Variants in ADCK1 observed in about 807,000 individuals in gnomAD.
ADCK1 encodes the protein aarF domain-containing protein kinase 1.
ADCK1 carries 41 observed loss-of-function variants against 52.3 expected under a neutral mutation model. The observed-to-expected ratio is 0.78, with a 90% CI of 0.61 to 1.02. ADCK1 has a LOEUF of 1.02. Ranked by LOEUF, ADCK1 falls within the 50% of genes least tolerant of loss-of-function variation. The pLI is 0.00. For missense variants in ADCK1, 658 were observed against 679.5 expected (o/e 0.97, Z 0.35); for synonymous variants, 250 against 274.6 (o/e 0.91, Z 0.89).
Position 77,859,177 on chromosome 14 carries a change from G to A in ADCK1, c.321G>A (p.Leu107=), listed in dbSNP as rs143170023. 1.5e-5 allele frequency: 25 copies of A among 1,614,026 alleles called. No individual in the cohort carries two copies. Among genetic ancestry groups the A allele is most frequent in the Non-Finnish European group, 2.0e-5 (24 of 1,180,008 alleles). The change falls in exon 4 of 11, where the codon TTG becomes TTA. Residue 107 remains leucine (L), a synonymous_variant. Coordinates refer to ENST00000238561, the MANE Select transcript of ADCK1 (RefSeq NM_020421.4). ...ACCTGGGGGCTCTGGACTACCTGTT[G>A]CCAGAGGAGTACACCAGCACGCTGA... ...GQHLGALDYL[L]PEEYTSTLKV...
chr14:77,927,224 C>T (rs949177273), intron 9 of ADCK1, among the ~76,000 whole-genome samples: 4 of 152,208 alleles, frequency 2.6e-5, no homozygotes, highest in African/African-American at 4.8e-5. Context: ...CCCCATCTCT[C>T]GGCTCCGCTT....
chr14:77,900,081 A>AAAAG lies in ADCK1; in HGVS notation c.741+826_741+827insGAAA, dbSNP rs1566716847. Among the ~76,000 whole-genome samples the AAAAG allele has an allele frequency of 3.7e-5, 4 of 109,272 alleles. 1 individual carries two copies. Among genetic ancestry groups the AAAAG allele is most frequent in the Admixed American group, 1.1e-4 (1 of 9,498 alleles). 71.7% of individuals were successfully genotyped at this position (109,272 alleles called of 152,430 possible). A position where few individuals can be genotyped will look rare whatever the true frequency, so the allele number is the denominator to read the frequency against. The stretch of plus-strand genomic sequence containing the variant: ...GTGAAACTCCGTCTCAAAAAAAAAA[A>AAAAG]AAAAGAAAATTCATCAGTAATACAG... On this transcript the variant is annotated intron_variant, in intron 6 of 10. Transcript: ENST00000238561.
At chr14:77,822,120 G>C (rs2081596200) in intron 2 of ADCK1, among the ~76,000 whole-genome samples, 1 of 152,186 alleles carries the variant, frequency 6.6e-6, no homozygotes, top group African/African-American at 2.4e-5. Context: ...CTTATAGGAA[G>C]AGACAGTTCA....
intron 9 of ADCK1, among the ~76,000 whole-genome samples, chr14:77,928,469 T>G (rs577674562): frequency 6.6e-6 from 1 of 152,080 alleles, no homozygotes; most frequent in South Asian, 2.1e-4. Context: ...TTTTGCATTT[T>G]TTTTTTTTTT....
chr14:77,851,195 A>G (rs1323767210), intron 3 of ADCK1, among the ~76,000 whole-genome samples: 1 of 149,642 alleles, frequency 6.7e-6, no homozygotes, highest in Non-Finnish European at 1.5e-5. Flanking sequence ...TTGGCTCACT[A>G]CAACTTCTGC....
At chr14:77,924,381 A>G in intron 7 of ADCK1, 76 bp from the exon 8 acceptor site, 1 of 1,570,916 alleles carries the variant, frequency 6.4e-7, no homozygotes, top group Admixed American at 1.7e-5. Flanking sequence ...AAGTGACCAC[A>G]TTGAGAGACC....
At chr14:77,862,727 G>A (rs1432067233) in intron 4 of ADCK1, among the ~76,000 whole-genome samples, 6 of 152,176 alleles carry the variant, frequency 3.9e-5, no homozygotes, top group African/African-American at 7.2e-5. Context: ...TGGTCTACGC[G>A]GTTGGCATTT....
At chr14:77,892,351 G>A (rs1236631038) in intron 5 of ADCK1, among the ~76,000 whole-genome samples, 1 of 152,192 alleles carries the variant, frequency 6.6e-6, no homozygotes, top group Non-Finnish European at 1.5e-5. Context: ...TGTGTCAGGT[G>A]GGATGCTTTC....
intron 5 of ADCK1, among the ~76,000 whole-genome samples, chr14:77,891,552 A>G (rs1272049594): frequency 6.6e-6 from 1 of 152,186 alleles, no homozygotes; most frequent in Non-Finnish European, 1.5e-5. Context: ...AAGATTTGGC[A>G]TCTTCCTCCC....
chr14:77,881,225 G>A (rs1244090285), intron 4 of ADCK1, among the ~76,000 whole-genome samples: 1 of 152,266 alleles, frequency 6.6e-6, no homozygotes, highest in Non-Finnish European at 1.5e-5. Flanking sequence ...CCTGGCAGGG[G>A]CCGGAGGATT....
chr14:77,815,815 CTTT>C (rs35299824), intron 1 of ADCK1, among the ~76,000 whole-genome samples: 2 of 121,802 alleles, frequency 1.6e-5, no homozygotes, highest in Non-Finnish European at 1.7e-5. Context: ...CCGCACCTGG[CTTT>C]TTTTTTTTTT....
At chr14:77,930,897 G>T (rs978596194) in intron 9 of ADCK1, among the ~76,000 whole-genome samples, 2 of 151,874 alleles carry the variant, frequency 1.3e-5, no homozygotes, top group Non-Finnish European at 2.9e-5. Flanking sequence ...GTAGGGACAG[G>T]GATCGTGGGG....
intron 9 of ADCK1, among the ~76,000 whole-genome samples, chr14:77,931,180 AC>A (rs2084321947): frequency 6.6e-6 from 1 of 152,198 alleles, no homozygotes; most frequent in African/African-American, 2.4e-5. Flanking sequence ...CTCAGCTGGT[AC>A]TGGCTTCTGG....
At chr14:77,856,222 A>T (rs2082414533) in intron 3 of ADCK1, among the ~76,000 whole-genome samples, 3 of 152,222 alleles carry the variant, frequency 2.0e-5, no homozygotes. Context: ...GAAAAAAGAA[A>T]TTTGGGAAAT....
intron 7 of ADCK1, chr14:77,908,171 A>G (rs952410869): frequency 3.2e-6 from 1 of 316,828 alleles, no homozygotes; most frequent in African/African-American, 2.1e-5. Flanking sequence ...CCTTTGTACC[A>G]TCTGAGCCCC....
chr14:77,879,046 C>G (rs1285437195), intron 4 of ADCK1, among the ~76,000 whole-genome samples: 1 of 152,104 alleles, frequency 6.6e-6, no homozygotes, highest in Admixed American at 6.5e-5. Flanking sequence ...GTCCCTTCAT[C>G]CACAGCTCTC....
At chr14:77,844,463 G>A (rs1355894382) in intron 3 of ADCK1, among the ~76,000 whole-genome samples, 2 of 152,192 alleles carry the variant, frequency 1.3e-5, no homozygotes, top group Non-Finnish European at 2.9e-5. Flanking sequence ...TCAATGCAAA[G>A]GAACCGGTGT....
At chr14:77,895,415 T>C (rs932082180) in intron 5 of ADCK1, among the ~76,000 whole-genome samples, 5 of 152,220 alleles carry the variant, frequency 3.3e-5, no homozygotes, top group Admixed American at 3.3e-4. Flanking sequence ...ATTCATTTAC[T>C]CATTCATTCA....
intron 3 of ADCK1, among the ~76,000 whole-genome samples, chr14:77,824,383 A>G (rs2081647271): frequency 6.6e-6 from 1 of 151,618 alleles, no homozygotes. Context: ...GATAGTCCAT[A>G]TTCAATTTCC....
Sources: allele counts gnomAD v4.1 joint callset (sites outside exome capture counted in the v4.1 genomes callset), GRCh38; gene constraint gnomAD v4.1.1; transcripts MANE v1.5; gene names NCBI Gene and HGNC (gene_info 2026-07-23, HGNC 2026-07-21).